Variants in DNAJC1 observed in about 807,000 individuals in gnomAD.
DNAJC1 encodes dnaJ homolog subfamily C member 1.
Under a neutral mutation model 76.6 loss-of-function variants are expected in DNAJC1, and 58 were observed. The observed-to-expected ratio is 0.76, with a 90% confidence interval of 0.61 to 0.94. The LOEUF (loss-of-function observed/expected upper bound fraction) is 0.94. Among genes scored for constraint, DNAJC1 ranks in the 40% least tolerant of loss-of-function variants. DNAJC1 has a pLI of 0.00. For missense variants in DNAJC1, 689 were observed against 677.3 expected (o/e 1.02, Z -0.19); for synonymous variants, 258 against 267.9 (o/e 0.96, Z 0.36).
intron 7 of DNAJC1, among the ~76,000 whole-genome samples, chr10:21,900,334 C>G (rs1326728238): frequency 6.7e-6 from 1 of 149,474 alleles, no homozygotes; most frequent in African/African-American, 2.5e-5. Context: ...CAGAGTGAGA[C>G]TCCATCTCAA....
intron 8 of DNAJC1, among the ~76,000 whole-genome samples, chr10:21,845,081 C>A (rs1053843224): frequency 6.6e-6 from 1 of 152,088 alleles, no homozygotes; most frequent in Non-Finnish European, 1.5e-5. Context: ...AATTTCCCTA[C>A]GGTGGAGAGA....
At chr10:21,874,866 T>A (rs1836158809) in intron 8 of DNAJC1, among the ~76,000 whole-genome samples, 1 of 152,116 alleles carries the variant, frequency 6.6e-6, no homozygotes, top group African/African-American at 2.4e-5. Context: ...ATAAAAGTTT[T>A]TTTGTTTTGT....
chr10:21,771,502 CA>C (rs1834376861), intron 9 of DNAJC1, among the ~76,000 whole-genome samples: 1 of 150,864 alleles, frequency 6.6e-6, no homozygotes, highest in African/African-American at 2.5e-5. Context: ...TTTTGTCAAA[CA>C]CTTTTTTTTT....
At chr10:21,918,980 T>A in intron 5 of DNAJC1, 108 bp from the exon 6 acceptor site, 1 of 709,058 alleles carries the variant, frequency 1.4e-6, no homozygotes, top group Non-Finnish European at 2.4e-6. Flanking sequence ...TGTGAATGGC[T>A]ACTTCAACAA....
Position 21,928,491 on chromosome 10 carries a change from G to A in DNAJC1, c.371+15C>T. ...ACTATAACATCTTAATTCAAAAGCAGAAATGAACACTCACCTCTGCCTTCG... is the reference window on the plus strand; with the variant it reads ...ACTATAACATCTTAATTCAAAAGCAAAAATGAACACTCACCTCTGCCTTCG... On this transcript the variant is annotated intron_variant, in intron 3 of 11. Coordinates refer to ENST00000376980, the MANE Select transcript of DNAJC1 (RefSeq NM_022365.4). The A allele has an allele frequency of 6.2e-7, 1 of 1,609,692 alleles. No homozygotes were observed. The highest frequency in any genetic ancestry group is 1.1e-5 in the South Asian group (1 of 90,604).
chr10:21,763,240 C>T (rs898555279), intron 10 of DNAJC1, among the ~76,000 whole-genome samples: 2 of 152,166 alleles, frequency 1.3e-5, no homozygotes, highest in Non-Finnish European at 2.9e-5. Context: ...CAAGCATCTA[C>T]TTTCAAACGT....
intron 8 of DNAJC1, among the ~76,000 whole-genome samples, chr10:21,836,555 C>A (rs192626429): frequency 6.6e-6 from 1 of 152,090 alleles, no homozygotes; most frequent in Non-Finnish European, 1.5e-5. Context: ...GAGTCAAGAC[C>A]CATCAGTGTG....
intron 8 of DNAJC1, among the ~76,000 whole-genome samples, chr10:21,857,008 T>G (rs1227690961): frequency 6.6e-6 from 1 of 152,126 alleles, no homozygotes; most frequent in Non-Finnish European, 1.5e-5. Flanking sequence ...AGTGCTAGGA[T>G]TACAGGCACA....
chr10:21,994,478 A>C (rs939340666), intron 1 of DNAJC1, among the ~76,000 whole-genome samples: 3 of 152,208 alleles, frequency 2.0e-5, no homozygotes, highest in African/African-American at 7.2e-5. Context: ...TCAAATGTCT[A>C]AACTAAAATG....
chr10:21,815,815 G>C (rs948000428), intron 8 of DNAJC1, among the ~76,000 whole-genome samples: 6 of 151,328 alleles, frequency 4.0e-5, no homozygotes, highest in African/African-American at 1.5e-4. Context: ...GTGTGAACTT[G>C]GCGCACTACA....
At chr10:21,820,019 A>G (rs1207072146) in intron 8 of DNAJC1, among the ~76,000 whole-genome samples, 1 of 152,234 alleles carries the variant, frequency 6.6e-6, no homozygotes, top group African/African-American at 2.4e-5. Context: ...GTATATTCAT[A>G]AAGTCATGCA....
intron 8 of DNAJC1, among the ~76,000 whole-genome samples, chr10:21,832,857 C>T (rs542488426): frequency 1.3e-5 from 2 of 152,324 alleles, no homozygotes; most frequent in Non-Finnish European, 2.9e-5. Flanking sequence ...TTGGCTGCGA[C>T]CTACTTTTAC....
At position 21,928,566 on chromosome 10, in the gene DNAJC1, A is replaced by G. The variant is rs375776130; in HGVS notation, c.325-14T>C. Reference sequence around the variant, plus strand: ...AATGGCCACCAACTAAAATAAAAGCATTACTTTAAAATAAAAATACTCTCA... The same window carrying G: ...AATGGCCACCAACTAAAATAAAAGCGTTACTTTAAAATAAAAATACTCTCA... On this transcript the variant is annotated splice_polypyrimidine_tract_variant and intron_variant, in intron 2 of 11. Coordinates refer to ENST00000376980, the MANE Select transcript of DNAJC1 (RefSeq NM_022365.4). 5.5e-5 allele frequency: 88 copies of G among 1,604,458 alleles called. No individual in the cohort carries two copies. The African/African-American group carries it at 9.4e-4, about 17-fold the overall frequency.
At chr10:21,958,367 A>G (rs1400689160) in intron 1 of DNAJC1, among the ~76,000 whole-genome samples, 1 of 151,806 alleles carries the variant, frequency 6.6e-6, no homozygotes, top group Non-Finnish European at 1.5e-5. Context: ...CATCACGATA[A>G]TCTAGTTTTA....
At chr10:21,813,060 T>C (rs374591675) in intron 8 of DNAJC1, among the ~76,000 whole-genome samples, 1 of 133,120 alleles carries the variant, frequency 7.5e-6, no homozygotes, top group Admixed American at 8.2e-5. Flanking sequence ...CACATATATA[T>C]ACATATATAC....
intron 9 of DNAJC1, among the ~76,000 whole-genome samples, chr10:21,784,742 C>T (rs1023130956): frequency 1.3e-5 from 2 of 152,138 alleles, no homozygotes; most frequent in Admixed American, 6.5e-5. Flanking sequence ...GAGTTCATGT[C>T]CTTTGTAGGG....
intron 8 of DNAJC1, among the ~76,000 whole-genome samples, chr10:21,845,273 G>GA (rs1289215791): frequency 5.3e-5 from 8 of 151,430 alleles, no homozygotes; most frequent in Admixed American, 2.6e-4. Context: ...AGCTGGAGGG[G>GA]AAAAAAAGTC....
At chr10:21,843,706 C>G (rs1215295352) in intron 8 of DNAJC1, among the ~76,000 whole-genome samples, 30 of 151,336 alleles carry the variant, frequency 2.0e-4, no homozygotes, top group Admixed American at 2.0e-3. Context: ...TAGAGATTTT[C>G]TTAATGACCT....
intron 1 of DNAJC1, among the ~76,000 whole-genome samples, chr10:21,976,870 G>A (rs1838074619): frequency 6.6e-6 from 1 of 152,114 alleles, no homozygotes; most frequent in Non-Finnish European, 1.5e-5. Flanking sequence ...CTTTCTCTAA[G>A]TCTTCTTGAA....
Sources: allele counts gnomAD v4.1 joint callset (sites outside exome capture counted in the v4.1 genomes callset), GRCh38; gene constraint gnomAD v4.1.1; transcripts MANE v1.5; gene names NCBI Gene and HGNC (gene_info 2026-07-23, HGNC 2026-07-21).